KLRK1: variants seen among roughly 807,000 people sequenced by gnomAD.
KLRK1 encodes NKG2-D type II integral membrane protein.
A neutral mutation model predicts 31.3 loss-of-function variants in KLRK1; 40 were observed. That is an observed-to-expected ratio of 1.28 (90% CI 0.99 to 1.67). The LOEUF (loss-of-function observed/expected upper bound fraction) is 1.67. KLRK1 is among the 40% of genes most tolerant of loss of function. KLRK1 has a pLI of 0.00. For synonymous variants in KLRK1, 77 were observed against 77.3 expected (o/e 1.00, Z 0.02); for missense variants, 251 against 260.0 (o/e 0.97, Z 0.24).
chr12:10,374,677 C>T (rs1349855977), intron 7 of KLRK1, among the ~76,000 whole-genome samples: 2 of 152,212 alleles, frequency 1.3e-5, no homozygotes, highest in Non-Finnish European at 2.9e-5. Flanking sequence ...CTGCACCCGG[C>T]CTCATTCTTT....
chr12:10,373,049 G>A lies in KLRK1; in HGVS notation c.*65C>T. The A allele has an allele frequency of 1.4e-6, 2 of 1,395,140 alleles. No individual in the cohort carries two copies. Among genetic ancestry groups the A allele is most frequent in the Non-Finnish European group, 1.0e-6 (1 of 998,482 alleles). 86.4% of individuals were successfully genotyped at this position (1,395,140 alleles called of 1,614,324 possible). ...TTGTTTGTTTCCTTTAGTCTCAGTT[G>A]GCAGTGTTACCGCTGGTGTAATCTC... On this transcript the variant is annotated 3_prime_UTR_variant, in exon 8 of 8. Transcript: ENST00000240618.
rs974263918 is a variant in KLRK1, at chr12:10,380,355, G to A, written c.149-563C>T. On this transcript the variant is annotated intron_variant, in intron 3 of 7. Transcript: ENST00000240618. Reference sequence around the variant, plus strand: ...GCTGGGATTACAGGCGTGAGCCACCGCACCCGGCCGTGATTTATTATTTTT... The same window carrying A: ...GCTGGGATTACAGGCGTGAGCCACCACACCCGGCCGTGATTTATTATTTTT... Among the ~76,000 whole-genome samples the A allele has an allele frequency of 3.3e-5, 5 of 152,136 alleles. No homozygotes were observed. The South Asian group carries it at 6.2e-4, about 19-fold the overall frequency.
rs765154819 is a variant in KLRK1, at chr12:10,387,567, CTTCTT to C, written c.41-562_41-558del. 2.4e-3 allele frequency among the ~76,000 whole-genome samples: 362 copies of C among 150,838 alleles called. 1 individual carries two copies. The highest frequency in any genetic ancestry group is 8.3e-3 in the African/African-American group (342 of 41,190). On this transcript the variant is annotated intron_variant, in intron 2 of 7. Transcript: ENST00000240618. Reference sequence around the variant, plus strand: ...AGTAAATAGCAGTGTGTCTAATTTTCTTCTTTTCTTTTTTTTTTTTTGAGATGGAG... The same window carrying C: ...AGTAAATAGCAGTGTGTCTAATTTTCTTCTTTTTTTTTTTTTGAGATGGAG...
intron 7 of KLRK1, among the ~76,000 whole-genome samples, chr12:10,377,614 GAGAA>G (rs1241579592): frequency 1.3e-5 from 2 of 152,102 alleles, no homozygotes; most frequent in Admixed American, 1.3e-4. Context: ...TGACTGGAAA[GAGAA>G]AGAGGTAAGG....
intron 3 of KLRK1, among the ~76,000 whole-genome samples, chr12:10,384,897 C>T (rs1863139025): frequency 6.6e-6 from 1 of 151,940 alleles, no homozygotes. Flanking sequence ...AACAACTCAA[C>T]AGCAACAACA....
At position 10,378,643 on chromosome 12, in the gene KLRK1, A is replaced by AAAAT. The variant is rs763172355; in HGVS notation, c.336_339dup (p.Phe114IlefsTer3). 3 of 1,610,400 alleles carry AAAAT rather than the reference A, an allele frequency of 1.9e-6. No homozygotes were observed. Among genetic ancestry groups the AAAAT allele is most frequent in the Non-Finnish European group, 2.5e-6 (3 of 1,179,238 alleles). On this transcript the variant is annotated frameshift_variant, in exon 6 of 8. Transcript: ENST00000240618. LOFTEE classifies it high-confidence loss of function. ...TCATACCAGTTTTTACTCTCATCAA[A>AAAAT]AAATTGGTAGCAGTTATTTTTGTAA...
At chr12:10,375,969 C>A (rs2733852) in intron 7 of KLRK1, among the ~76,000 whole-genome samples, 100,053 of 152,000 alleles carry the variant, frequency 0.66, 33,870 homozygotes, top group South Asian at 0.82. Flanking sequence ...TGTAGTTCAC[C>A]GGACACAGAA....
chr12:10,383,656 A>T (rs750220237), intron 3 of KLRK1, among the ~76,000 whole-genome samples: 1 of 152,228 alleles, frequency 6.6e-6, no homozygotes, highest in South Asian at 2.1e-4. Context: ...AATGAACCTA[A>T]CTAAATGTAC....
At chr12:10,379,653 A>ATTG (rs1863033244) in intron 4 of KLRK1, 47 bp downstream of exon 4, 1 of 1,521,266 alleles carries the variant, frequency 6.6e-7, no homozygotes. Context: ...ATACATTAGC[A>ATTG]TTGTTAAATT....
In KLRK1 at chr12:10,378,654, C is replaced by CAGTT; in HGVS notation, c.325_328dup (p.Cys110Ter). ...TTTACTCTCATCAAAAAATTGGTAG[C>CAGTT]AGTTATTTTTGTAACATATCCAGTT... is the stretch of plus-strand genomic sequence containing the variant. On this transcript the variant is annotated stop_gained and frameshift_variant, in exon 6 of 8. Transcript: ENST00000240618. LOFTEE classifies it high-confidence loss of function. 6 of 1,609,986 alleles carry CAGTT rather than the reference C, an allele frequency of 3.7e-6. No individual in the cohort carries two copies. The highest frequency in any genetic ancestry group is 5.1e-6 in the Non-Finnish European group (6 of 1,179,134).
At position 10,373,081 on chromosome 12, in the gene KLRK1, G is replaced by A. The variant is rs1437947674; in HGVS notation, c.*33C>T. Reference sequence around the variant, plus strand: ...TTACCGCTGGTGTAATCTCTTCTCTGTTCCTGGCTTTTATTGAGATGGTTG... The same window carrying A: ...TTACCGCTGGTGTAATCTCTTCTCTATTCCTGGCTTTTATTGAGATGGTTG... On this transcript the variant is annotated 3_prime_UTR_variant, in exon 8 of 8. Transcript: ENST00000240618. 2.5e-6 allele frequency: 4 copies of A among 1,590,136 alleles called. No individual in the cohort carries two copies. Among genetic ancestry groups the A allele is most frequent in the Admixed American group, 3.4e-5 (2 of 58,976 alleles).
At chr12:10,374,369 G>A (rs1286452860) in intron 7 of KLRK1, among the ~76,000 whole-genome samples, 4 of 144,312 alleles carry the variant, frequency 2.8e-5, no homozygotes, top group Non-Finnish European at 6.0e-5. Context: ...TTAGAGTCTC[G>A]TTCTTTTTTT....
intron 5 of KLRK1, 179 bp from the exon 6 acceptor site, chr12:10,378,884 T>A: frequency 1.4e-6 from 1 of 695,012 alleles, no homozygotes; most frequent in Non-Finnish European, 2.2e-6. Context: ...CTGGGTGTGG[T>A]GTCTCATGCC....
Position 10,373,237 on chromosome 12 carries a change from G to A in KLRK1, c.534-6C>T. 2 of 1,567,968 alleles carry A rather than the reference G, an allele frequency of 1.3e-6. No individual in the cohort carries two copies. Among genetic ancestry groups the A allele is most frequent in the Middle Eastern group, 1.7e-4 (1 of 5,936 alleles). On this transcript the variant is annotated splice_polypyrimidine_tract_variant and splice_region_variant and intron_variant, in intron 7 of 7. Transcript: ENST00000240618. ...GCATTTCAATTATTGTTAGTCTAGA[G>A]GAGAGACAATTACAAATTACATACA... is the stretch of plus-strand genomic sequence containing the variant.
chr12:10,379,412 A>T (rs530425182), intron 5 of KLRK1, 35 bp downstream of exon 5: 21 of 1,296,386 alleles, frequency 1.6e-5, no homozygotes, highest in Admixed American at 2.1e-5. Context: ...GATACATATA[A>T]TATATGATCT....
intron 7 of KLRK1, among the ~76,000 whole-genome samples, chr12:10,373,775 C>T (rs1208037428): frequency 6.6e-6 from 1 of 151,962 alleles, no homozygotes; most frequent in Non-Finnish European, 1.5e-5. Flanking sequence ...TTTACTCTGG[C>T]ATCTTTAATC....
At position 10,372,643 on chromosome 12, in the gene KLRK1, G is replaced by T; in HGVS notation, c.*471C>A. 1 of 188,224 alleles carries T rather than the reference G, an allele frequency of 5.3e-6. No homozygotes were observed. The highest frequency in any genetic ancestry group is 1.1e-5 in the Non-Finnish European group (1 of 93,214). 11.7% of individuals were successfully genotyped at this position (188,224 alleles called of 1,614,324 possible). A position where few individuals can be genotyped will look rare whatever the true frequency, so the allele number is the denominator to read the frequency against. ...ACCACCTCCCTGACCCCGTTGGGTG[G>T]AGGACCCATTAAAAGTGGCAGCATG... On this transcript the variant is annotated 3_prime_UTR_variant, in exon 8 of 8. Transcript: ENST00000240618.
chr12:10,377,946 G>A (rs769217487), intron 7 of KLRK1, among the ~76,000 whole-genome samples, 186 bp downstream of exon 7: 2 of 152,112 alleles, frequency 1.3e-5, no homozygotes, highest in Non-Finnish European at 2.9e-5. Flanking sequence ...TTACTTACTA[G>A]TATTTGTGTT....
intron 7 of KLRK1, 80 bp downstream of exon 7, chr12:10,378,052 G>T (rs1054098401): frequency 5.1e-6 from 7 of 1,368,216 alleles, no homozygotes; most frequent in African/African-American, 1.5e-5. Context: ...GGGATTATGT[G>T]AGATGAGTGA....
Sources: gnomAD v4.1 joint callset for allele counts (sites outside exome capture counted in the v4.1 genomes callset) on GRCh38, gnomAD v4.1.1 for gene constraint, MANE v1.5 for transcripts, NCBI Gene and HGNC (gene_info 2026-07-23, HGNC 2026-07-21) for gene names.